MYO1D: variants seen among roughly 807,000 people sequenced by gnomAD.
The protein encoded by MYO1D is unconventional myosin-Id.
MYO1D carries 83 observed loss-of-function variants against 122.0 expected under a neutral mutation model. The ratio of observed to expected loss-of-function variants is 0.68; its 90% confidence interval spans 0.57 to 0.82. The LOEUF (loss-of-function observed/expected upper bound fraction) is 0.82, where lower values mean the gene tolerates loss of function less well. MYO1D is among the 40% of genes least tolerant of loss of function. The probability of loss-of-function intolerance (pLI) is 0.00; values close to 1 mark genes in which losing one functional copy is unlikely to be tolerated. For synonymous variants in MYO1D, 464 were observed against 446.9 expected, an observed-to-expected ratio of 1.04 and a Z score of -0.48; for missense variants, 1,157 against 1,269.5, an observed-to-expected ratio of 0.91 and a Z score of 1.35.
intron 14 of MYO1D, among the ~76,000 whole-genome samples, chr17:32,722,796 A>G (rs1055376661): frequency 6.6e-6 from 1 of 152,190 alleles, no homozygotes; most frequent in African/African-American, 2.4e-5. Flanking sequence ...TTTCTGGCAT[A>G]GCGCTTCAAA....
Position 32,755,483 on chromosome 17 carries a change from AC to A in MYO1D, c.1467+8del. ...GATAAAAGGAAGAAGGTGTCATTAAACACATTACCTTTCGGCTGGAAAAATG... is the reference window on the plus strand; with the variant it reads ...GATAAAAGGAAGAAGGTGTCATTAAAACATTACCTTTCGGCTGGAAAAATG... On this transcript the variant is annotated splice_region_variant and intron_variant, in intron 11 of 21. Transcript: ENST00000318217. 6.2e-7 allele frequency: 1 copy of A among 1,612,692 alleles called. No individual in the cohort carries two copies. The highest frequency in any genetic ancestry group is 8.5e-7 in the Non-Finnish European group (1 of 1,179,144).
chr17:32,644,929 T>C lies in MYO1D; in HGVS notation c.2596-6094A>G, dbSNP rs181264026. ...ATATTTACATTTAAGGTTAATACTGTTATGTGTGAATCTAATCCTGTCATT... is the reference window on the plus strand; with the variant it reads ...ATATTTACATTTAAGGTTAATACTGCTATGTGTGAATCTAATCCTGTCATT... On this transcript the variant is annotated intron_variant, in intron 19 of 21. Transcript: ENST00000318217. Among the ~76,000 whole-genome samples, 6 of 152,348 alleles carry C rather than the reference T, an allele frequency of 3.9e-5. No individual in the cohort carries two copies. In the East Asian group the frequency reaches 5.8e-4, roughly 15 times the overall value.
At position 32,810,853 on chromosome 17, in the gene MYO1D, CT is replaced by C. The variant is rs72116663; in HGVS notation, c.96-30070del. Among the ~76,000 whole-genome samples, 682 of 151,402 alleles carry C rather than the reference CT, an allele frequency of 4.5e-3. 6 individuals are homozygous for C. The highest frequency in any genetic ancestry group is 8.7e-3 in the African/African-American group (360 of 41,332). On this transcript the variant is annotated intron_variant, in intron 1 of 21. Coordinates refer to ENST00000318217, the MANE Select transcript of MYO1D (RefSeq NM_015194.3). ...AAATCTATTCTGTTTGAGGAGTTGT[CT>C]TTTTTTTTGGTAATTTAATATTTAT...
intron 19 of MYO1D, 27 bp from the exon 20 acceptor site, chr17:32,638,862 T>C (rs372230866): frequency 2.9e-5 from 42 of 1,449,646 alleles, no homozygotes; most frequent in East Asian, 2.3e-4. Context: ...CAATAAACCA[T>C]AGTATCTCAT....
At chr17:32,653,968 G>T (rs377519803) in intron 18 of MYO1D, 21 bp from the exon 19 acceptor site, 1 of 1,575,656 alleles carries the variant, frequency 6.3e-7, no homozygotes, top group South Asian at 1.1e-5. Flanking sequence ...AAGGAAACAA[G>T]ACAAAATGAG....
At chr17:32,670,241 G>GTC (rs1220864546) in intron 16 of MYO1D, among the ~76,000 whole-genome samples, 1 of 152,122 alleles carries the variant, frequency 6.6e-6, no homozygotes, top group Non-Finnish European at 1.5e-5. Flanking sequence ...AAATATCATT[G>GTC]TATCAGTGTG....
At chr17:32,849,582 A>G (rs8077648) in intron 1 of MYO1D, among the ~76,000 whole-genome samples, 77,231 of 149,264 alleles carry the variant, frequency 0.52, 20,619 homozygotes, top group East Asian at 0.73. Context: ...ACCAAACACC[A>G]CATATTCTCA....
intron 1 of MYO1D, 32 bp downstream of exon 1, chr17:32,876,746 C>T (rs376282520): frequency 2.7e-6 from 4 of 1,476,142 alleles, no homozygotes; most frequent in Non-Finnish European, 3.6e-6. Context: ...AGCGCAGCCT[C>T]GCGCCCCTGC....
chr17:32,722,372 T>C (rs1043964986), intron 14 of MYO1D, among the ~76,000 whole-genome samples: 1 of 152,206 alleles, frequency 6.6e-6, no homozygotes, highest in African/African-American at 2.4e-5. Context: ...CAAAAGTCAA[T>C]GTGTCAGCAG....
At chr17:32,615,731 A>C (rs553317258) in intron 20 of MYO1D, among the ~76,000 whole-genome samples, 2 of 152,344 alleles carry the variant, frequency 1.3e-5, no homozygotes, top group East Asian at 3.9e-4. Flanking sequence ...TCTTCCAGAC[A>C]GACTAAACGA....
chr17:32,590,839 C>T (rs1242417520), intron 21 of MYO1D, among the ~76,000 whole-genome samples: 2 of 152,182 alleles, frequency 1.3e-5, no homozygotes, highest in African/African-American at 4.8e-5. Context: ...GAATACCTCA[C>T]AGGAAGATCT....
intron 1 of MYO1D, among the ~76,000 whole-genome samples, chr17:32,785,515 T>C (rs1235518539): frequency 6.6e-6 from 1 of 152,198 alleles, no homozygotes; most frequent in Non-Finnish European, 1.5e-5. Flanking sequence ...GGTGTCCATC[T>C]ACCCATGCCA....
intron 14 of MYO1D, among the ~76,000 whole-genome samples, chr17:32,726,571 G>T (rs1598043554): frequency 6.7e-6 from 1 of 149,576 alleles, no homozygotes; most frequent in South Asian, 2.1e-4. Flanking sequence ...AATCTAAATA[G>T]ATATATATTA....
rs184649795 is a variant in MYO1D at position 32,534,255 on chromosome 17, T to C, written c.2865-39340A>G. On this transcript the variant is annotated intron_variant, in intron 21 of 21. Coordinates refer to ENST00000318217, the MANE Select transcript of MYO1D (RefSeq NM_015194.3). The stretch of plus-strand genomic sequence containing the variant: ...GATCATAGCTCACTGCAGCATTGAA[T>C]TTCTGGGCTCAAGTGATTCTCCTGC... Among the ~76,000 whole-genome samples the C allele has an allele frequency of 1.6e-3, 240 of 152,278 alleles. No individual in the cohort carries two copies. In the Middle Eastern group the frequency reaches 0.024, roughly 15 times the overall value.
rs1567906312 is a variant in MYO1D, at chr17:32,605,097, G to A, written c.2854C>T (p.His952Tyr). The change falls in exon 21 of 22, where the codon CAT (histidine) becomes TAT (tyrosine). Residue 952 changes from histidine to tyrosine, a missense_variant. Transcript: ENST00000318217. ...IGELVGVLVN[H>Y]FKSEKRHLQV... ...AAAATCAAACTTTACCTCTTGAAAT[G>A]ATTCACCAGCACTCCAACAAGTTCT... The A allele has an allele frequency of 4.4e-6, 7 of 1,585,694 alleles. 1 individual carries two copies. The East Asian group carries it at 1.1e-4, about 26-fold the overall frequency.
chr17:32,721,564 A>G (rs1206543076), intron 14 of MYO1D, among the ~76,000 whole-genome samples: 2 of 152,206 alleles, frequency 1.3e-5, no homozygotes, highest in Non-Finnish European at 2.9e-5. Context: ...ATGGATGGAG[A>G]ATGTAAAAGG....
intron 21 of MYO1D, among the ~76,000 whole-genome samples, chr17:32,542,635 CAGTT>C (rs1910872861): frequency 7.0e-6 from 1 of 143,524 alleles, no homozygotes; most frequent in Non-Finnish European, 1.5e-5. Context: ...AAAAAGCCAA[CAGTT>C]AGGGGACAAG....
intron 16 of MYO1D, among the ~76,000 whole-genome samples, chr17:32,687,444 G>T (rs899578917): frequency 1.3e-5 from 2 of 152,202 alleles, no homozygotes; most frequent in East Asian, 3.9e-4. Flanking sequence ...TGATCCACCC[G>T]CCTTGGCCTC....
chr17:32,720,238 G>C (rs893680426), intron 15 of MYO1D, among the ~76,000 whole-genome samples: 4 of 151,932 alleles, frequency 2.6e-5, no homozygotes, highest in African/African-American at 9.7e-5. Context: ...ATATGACATG[G>C]TATCATTAAG....
Sources: allele counts gnomAD v4.1 joint callset (sites outside exome capture counted in the v4.1 genomes callset), GRCh38; gene constraint gnomAD v4.1.1; transcripts MANE v1.5; gene names NCBI Gene and HGNC (gene_info 2026-07-23, HGNC 2026-07-21).